Variants in ZNF804B observed in about 807,000 individuals in gnomAD.
ZNF804B encodes the protein zinc finger protein 804B.
Under a neutral mutation model 101.4 loss-of-function variants are expected in ZNF804B, and 80 were observed. The ratio of observed to expected loss-of-function variants is 0.79; its 90% CI spans 0.66 to 0.95. ZNF804B has a LOEUF of 0.95. ZNF804B is among the 40% of genes least tolerant of loss of function. The probability of loss-of-function intolerance (pLI) is 0.00; values close to 1 mark genes in which losing one functional copy is unlikely to be tolerated. For synonymous variants in ZNF804B, 622 were observed against 558.8 expected (o/e 1.11, Z -1.59); for missense variants, 1,673 against 1,561.9 (o/e 1.07, Z -1.20).
At chr7:88,871,828 C>T (rs535970424) in intron 1 of ZNF804B, among the ~76,000 whole-genome samples, 2 of 152,062 alleles carry the variant, frequency 1.3e-5, no homozygotes, top group East Asian at 1.9e-4. Flanking sequence ...GTTAGCCGGG[C>T]GTGGTGGTGC....
intron 1 of ZNF804B, among the ~76,000 whole-genome samples, chr7:88,790,649 A>C (rs951629532): frequency 6.6e-6 from 1 of 152,052 alleles, no homozygotes; most frequent in Non-Finnish European, 1.5e-5. Flanking sequence ...TCCATATCAC[A>C]TATCACATAT....
intron 1 of ZNF804B, among the ~76,000 whole-genome samples, chr7:89,144,234 C>T (rs909621099): frequency 6.6e-6 from 1 of 151,842 alleles, no homozygotes; most frequent in African/African-American, 2.4e-5. Context: ...TCAATGGATC[C>T]TATAACATAT....
At chr7:89,125,527 A>C (rs1790465190) in intron 1 of ZNF804B, among the ~76,000 whole-genome samples, 1 of 152,086 alleles carries the variant, frequency 6.6e-6, no homozygotes, top group Non-Finnish European at 1.5e-5. Flanking sequence ...ACTATTGTCC[A>C]TTCATAAGCA....
chr7:89,041,056 C>T (rs551587127), intron 1 of ZNF804B, among the ~76,000 whole-genome samples: 1 of 150,680 alleles, frequency 6.6e-6, no homozygotes, highest in East Asian at 2.0e-4. Flanking sequence ...AGGCCTGAAC[C>T]CTGGGTCCAT....
chr7:89,018,672 G>A (rs10952941), intron 1 of ZNF804B, among the ~76,000 whole-genome samples: 126,717 of 152,014 alleles, frequency 0.83, 53,261 homozygotes, highest in African/African-American at 0.95. Context: ...TATTGACTCA[G>A]TCTTCTTAGT....
At chr7:89,329,008 G>C (rs1174503814) in intron 3 of ZNF804B, among the ~76,000 whole-genome samples, 5 of 151,566 alleles carry the variant, frequency 3.3e-5, no homozygotes, top group South Asian at 2.1e-4. Context: ...GATAATGATG[G>C]TGATGATGAT....
intron 1 of ZNF804B, among the ~76,000 whole-genome samples, chr7:88,909,504 C>G (rs1792518376): frequency 6.6e-6 from 1 of 151,696 alleles, no homozygotes; most frequent in Non-Finnish European, 1.5e-5. Flanking sequence ...TTTTCTTCTC[C>G]TAAAATTACA....
intron 2 of ZNF804B, among the ~76,000 whole-genome samples, chr7:89,303,825 A>G (rs1222118757): frequency 1.3e-5 from 2 of 151,942 alleles, no homozygotes; most frequent in Non-Finnish European, 2.9e-5. Flanking sequence ...GACAAAAATT[A>G]TATTTATAAA....
intron 1 of ZNF804B, among the ~76,000 whole-genome samples, chr7:89,191,970 TAAG>T (rs539524274): frequency 1.1e-3 from 169 of 152,146 alleles, no homozygotes; most frequent in Middle Eastern, 6.8e-3. Flanking sequence ...TTGAATGAAA[TAAG>T]AAATAATTAT....
chr7:88,990,680 A>G (rs1793832018), intron 1 of ZNF804B, among the ~76,000 whole-genome samples: 1 of 152,132 alleles, frequency 6.6e-6, no homozygotes, highest in African/African-American at 2.4e-5. Context: ...AGCACAGAGT[A>G]AAGGTGAAGA....
chr7:88,838,676 C>T (rs1370001508), intron 1 of ZNF804B, among the ~76,000 whole-genome samples: 2 of 151,794 alleles, frequency 1.3e-5, no homozygotes, highest in East Asian at 1.9e-4. Flanking sequence ...CTCAGACTTT[C>T]TTGATTTGAC....
intron 2 of ZNF804B, among the ~76,000 whole-genome samples, chr7:89,282,544 A>G (rs1241754591): frequency 6.6e-6 from 1 of 152,194 alleles, no homozygotes; most frequent in Non-Finnish European, 1.5e-5. Flanking sequence ...GGGCTGAATA[A>G]TACCCCCTCT....
intron 1 of ZNF804B, among the ~76,000 whole-genome samples, chr7:89,197,927 TAA>T (rs1228786583): frequency 2.2e-4 from 33 of 151,836 alleles, no homozygotes; most frequent in Non-Finnish European, 4.4e-4. Context: ...TAGACATTAC[TAA>T]AAGTTATTTA....
At chr7:88,987,929 C>T (rs2116146721) in intron 1 of ZNF804B, among the ~76,000 whole-genome samples, 1 of 152,146 alleles carries the variant, frequency 6.6e-6, no homozygotes, top group East Asian at 1.9e-4. Context: ...TTCCCAGCCT[C>T]TGGTAACCAT....
At chr7:89,297,951 T>C (rs1790409546) in intron 2 of ZNF804B, among the ~76,000 whole-genome samples, 1 of 150,316 alleles carries the variant, frequency 6.7e-6, no homozygotes, top group African/African-American at 2.4e-5. Context: ...GGGTCTAGGA[T>C]CTAATCTAGG....
At chr7:89,199,858 G>A (rs1253793660) in intron 1 of ZNF804B, among the ~76,000 whole-genome samples, 1 of 147,840 alleles carries the variant, frequency 6.8e-6, no homozygotes, top group East Asian at 1.9e-4. Flanking sequence ...TATAATATAT[G>A]TATACATTAT....
At chr7:89,124,344 T>C (rs1380752606) in intron 1 of ZNF804B, among the ~76,000 whole-genome samples, 3 of 152,120 alleles carry the variant, frequency 2.0e-5, no homozygotes, top group African/African-American at 7.2e-5. Context: ...GAGCTAATCA[T>C]GGTGATGGGG....
chr7:89,064,731 G>A lies in ZNF804B; in HGVS notation c.109-153424G>A, dbSNP rs549467296. Among the ~76,000 whole-genome samples, 3 of 152,190 alleles carry A rather than the reference G, an allele frequency of 2.0e-5. No individual in the cohort carries two copies. In the South Asian group the frequency reaches 6.2e-4, roughly 32 times the overall value. On this transcript the variant is annotated intron_variant, in intron 1 of 3. Coordinates refer to ENST00000333190, the MANE Select transcript of ZNF804B (RefSeq NM_181646.5). Reference sequence around the variant, plus strand: ...CCCAGTAGGTGCCTATAGCAAACTGGAGGCTTCCTTGTAATTATCTCTCAT... The same window carrying A: ...CCCAGTAGGTGCCTATAGCAAACTGAAGGCTTCCTTGTAATTATCTCTCAT...
intron 1 of ZNF804B, among the ~76,000 whole-genome samples, chr7:88,879,764 C>A (rs1173964856): frequency 1.3e-5 from 2 of 152,086 alleles, no homozygotes; most frequent in Non-Finnish European, 2.9e-5. Flanking sequence ...TGAAGGCAGG[C>A]ATGGTGGCTC....
Sources: gnomAD v4.1 joint callset for allele counts (sites outside exome capture counted in the v4.1 genomes callset) on GRCh38, gnomAD v4.1.1 for gene constraint, MANE v1.5 for transcripts, NCBI Gene and HGNC (gene_info 2026-07-23, HGNC 2026-07-21) for gene names.